Variants in C1orf159 observed in about 807,000 individuals in gnomAD.
C1orf159 encodes chromosome 1 open reading frame 159.
C1orf159 carries 19 observed loss-of-function variants against 25.6 expected under a neutral mutation model. The ratio of observed to expected loss-of-function variants is 0.74; its 90% CI spans 0.52 to 1.09. The LOEUF is 1.09. C1orf159 is among the 50% of genes least tolerant of loss of function. The pLI is 0.00. For missense variants in C1orf159, 274 were observed against 290.6 expected, an observed-to-expected ratio of 0.94 and a Z score of 0.42; for synonymous variants, 139 against 124.7, an observed-to-expected ratio of 1.12 and a Z score of -0.77.
chr1:1,114,340 GATA>G (rs954924459), intron 1 of C1orf159, among the ~76,000 whole-genome samples: 4 of 152,106 alleles, frequency 2.6e-5, no homozygotes, highest in East Asian at 1.9e-4. Flanking sequence ...CCCATGCCTG[GATA>G]ATATTTTTTA....
rs79139571 is a variant in C1orf159, at chr1:1,086,867, G to A, written c.310+272C>T. ...TGTGAACCTGAGAGCGTGTGGCTGT[G>A]AGCTGTGTGACCCTGAGAGAGTGCG... is the stretch of plus-strand genomic sequence containing the variant. On this transcript the variant is annotated intron_variant, in intron 6 of 9. Coordinates refer to ENST00000421241, the MANE Select transcript of C1orf159 (RefSeq NM_017891.5). 7.2e-3 allele frequency among the ~76,000 whole-genome samples: 1,100 copies of A among 152,274 alleles called. 4 individuals are homozygous for A. The highest frequency in any genetic ancestry group is 0.023 in the African/African-American group (964 of 41,550).
In C1orf159 at chr1:1,087,488, C is replaced by A. The variant is rs1645850392; in HGVS notation, c.244+14G>T. ...GCTGTGAGAAGGGAGCCGGGGGGAG[C>A]CGGGCAGACCTACAGCTTCTACACT... On this transcript the variant is annotated intron_variant, in intron 5 of 9. Coordinates refer to ENST00000421241, the MANE Select transcript of C1orf159 (RefSeq NM_017891.5). The surrounding 1 kb of genome is among the most constrained non-coding windows in gnomAD (Gnocchi z 8.3). 2.6e-6 allele frequency: 4 copies of A among 1,541,894 alleles called. No individual in the cohort carries two copies. In the African/African-American group the frequency reaches 4.1e-5, roughly 16 times the overall value.
In C1orf159 at chr1:1,092,087, C is replaced by A; in HGVS notation, c.-119G>T. On this transcript the variant is annotated 5_prime_UTR_variant, in exon 2 of 10. Transcript: ENST00000421241. ...AGCTCATGGGCTCAGCTGAGCCCTG[C>A]AGACCCCGGCCCAGTCCTGCAGATG... 1 of 441,688 alleles carries A rather than the reference C, an allele frequency of 2.3e-6. No individual in the cohort carries two copies. The highest frequency in any genetic ancestry group is 2.5e-5 in the Admixed American group (1 of 39,998). The allele number at this position is 441,688 out of a possible 1,614,324, so 27.4% of individuals were successfully genotyped here. A position where few individuals can be genotyped will look rare whatever the true frequency, so the allele number is the denominator to read the frequency against.
intron 1 of C1orf159, among the ~76,000 whole-genome samples, chr1:1,114,366 A>T (rs1420927166): frequency 6.6e-6 from 1 of 152,032 alleles, no homozygotes; most frequent in Non-Finnish European, 1.5e-5. Flanking sequence ...TTTTATAGAG[A>T]CGAGGTCTCC....
At chr1:1,107,983 G>A (rs1646198802) in intron 1 of C1orf159, among the ~76,000 whole-genome samples, 1 of 152,206 alleles carries the variant, frequency 6.6e-6, no homozygotes, top group Admixed American at 6.5e-5. Context: ...AACACTCACT[G>A]CGAGGGTCTG....
At chr1:1,085,170 T>A (rs1299058745) in intron 7 of C1orf159, 3 of 290,014 alleles carry the variant, frequency 1.0e-5, no homozygotes, top group Admixed American at 7.9e-5. Context: ...TGGACAGGGG[T>A]CTCACAGCAG....
At chr1:1,113,476 T>C (rs1646289453) in intron 1 of C1orf159, among the ~76,000 whole-genome samples, 1 of 152,128 alleles carries the variant, frequency 6.6e-6, no homozygotes, top group African/African-American at 2.4e-5. Flanking sequence ...CACTGCAGTC[T>C]CCACCTCCGG....
At chr1:1,091,826 G>C (rs1645943433) in intron 2 of C1orf159, 165 bp downstream of exon 2, 1 of 499,222 alleles carries the variant, frequency 2.0e-6, no homozygotes, top group Admixed American at 2.8e-5. Context: ...GATGGGGTGG[G>C]GCGGGGCCGC....
chr1:1,085,313 G>C (rs779989608), intron 7 of C1orf159: 1 of 412,730 alleles, frequency 2.4e-6, no homozygotes, highest in South Asian at 1.7e-5. Context: ...GGCCGGCCCT[G>C]GACAACGAGG....
intron 1 of C1orf159, among the ~76,000 whole-genome samples, chr1:1,100,840 T>C (rs1289699858): frequency 6.6e-6 from 1 of 152,232 alleles, no homozygotes. Flanking sequence ...TACCACTTTA[T>C]GCAAAATGTA....
Position 1,089,164 on chromosome 1 carries a change from C to A in C1orf159, c.148+1189G>T, listed in dbSNP as rs924200546. Among the ~76,000 whole-genome samples the A allele has an allele frequency of 2.0e-5, 3 of 152,262 alleles. No homozygotes were observed. Among genetic ancestry groups the A allele is most frequent in the Middle Eastern group, 3.4e-3 (1 of 294 alleles). On this transcript the variant is annotated intron_variant, in intron 4 of 9. Coordinates refer to ENST00000421241, the MANE Select transcript of C1orf159 (RefSeq NM_017891.5). This position sits in a 1 kb window ranked among gnomAD's most constrained non-coding sequence, Gnocchi z 7.5. ...CAACACCGCAGGCCCGGCCCCTCCC[C>A]ACGCGCGCCAGACGGTCCCCACCCT...
intron 4 of C1orf159, among the ~76,000 whole-genome samples, chr1:1,088,131 G>A (rs1161050838): frequency 7.1e-5 from 7 of 98,694 alleles, no homozygotes; most frequent in Non-Finnish European, 1.4e-4. Context: ...CCACTGCAAC[G>A]CCTGCCCCAG....
chr1:1,087,086 G>GCCC lies in C1orf159; in HGVS notation c.310+50_310+52dup. On this transcript the variant is annotated intron_variant, in intron 6 of 9. Transcript: ENST00000421241. The surrounding 1 kb of genome is among the most constrained non-coding windows in gnomAD (Gnocchi z 8.3). Reference sequence around the variant, plus strand: ...GTGAGGGTCTGCACTGGCTCCGACGGCCCCCAGCCCCCAGGACACCGGCAG... The same window carrying GCCC: ...GTGAGGGTCTGCACTGGCTCCGACGGCCCCCCCCAGCCCCCAGGACACCGGCAG... 2 of 1,547,888 alleles carry GCCC rather than the reference G, an allele frequency of 1.3e-6. No homozygotes were observed. Among genetic ancestry groups the GCCC allele is most frequent in the Non-Finnish European group, 1.8e-6 (2 of 1,136,064 alleles).
intron 3 of C1orf159, chr1:1,090,778 C>A: frequency 9.5e-7 from 1 of 1,050,406 alleles, no homozygotes; most frequent in South Asian, 1.4e-5. Context: ...CCGCTTGACC[C>A]CACAGAGGAA....
In C1orf159 at chr1:1,110,966, A is replaced by AT. The variant is rs1646249719; in HGVS notation, c.-136+5093dup. Among the ~76,000 whole-genome samples the AT allele has an allele frequency of 6.6e-6, 1 of 152,218 alleles. No individual in the cohort carries two copies. Among genetic ancestry groups the AT allele is most frequent in the South Asian group, 2.1e-4 (1 of 4,836 alleles). ...GGGCGCTGGAGCAGCCTGCGAGGCAATCTCCATGGATCACAGGCAGATTCT... is the reference window on the plus strand; with the variant it reads ...GGGCGCTGGAGCAGCCTGCGAGGCAATTCTCCATGGATCACAGGCAGATTCT... On this transcript the variant is annotated intron_variant, in intron 1 of 9. Transcript: ENST00000421241. The surrounding 1 kb of genome is among the most constrained non-coding windows in gnomAD (Gnocchi z 4.8).
chr1:1,112,168 G>A (rs1279626061), intron 1 of C1orf159, among the ~76,000 whole-genome samples: 2 of 152,180 alleles, frequency 1.3e-5, no homozygotes, highest in African/African-American at 2.4e-5. Context: ...TGCACCCAGC[G>A]CCAGGGAAAG....
chr1:1,103,631 G>T (rs1339370520), intron 1 of C1orf159, among the ~76,000 whole-genome samples: 1 of 152,130 alleles, frequency 6.6e-6, no homozygotes, highest in Admixed American at 6.5e-5. Flanking sequence ...CTCCCCTCTG[G>T]CTCTTTCTGG....
chr1:1,093,966 T>C lies in C1orf159; in HGVS notation c.-135-1863A>G, dbSNP rs144156451. 1.4e-3 allele frequency among the ~76,000 whole-genome samples: 219 copies of C among 152,372 alleles called. 1 individual carries two copies. Among genetic ancestry groups the C allele is most frequent in the African/African-American group, 5.1e-3 (211 of 41,578 alleles). On this transcript the variant is annotated intron_variant, in intron 1 of 9. Coordinates refer to ENST00000421241, the MANE Select transcript of C1orf159 (RefSeq NM_017891.5). ...TATCTCTGTGTCGTTACAATCTGCA[T>C]TTCCCTGAAGACTAATGATGGCATC...
In C1orf159 at chr1:1,084,259, C is replaced by T. The variant is rs556278364; in HGVS notation, c.502+94G>A. 2.0e-6 allele frequency: 3 copies of T among 1,519,026 alleles called. No individual in the cohort carries two copies. In the South Asian group the frequency reaches 4.0e-5, roughly 20 times the overall value. 94.1% of individuals were successfully genotyped at this position (1,519,026 alleles called of 1,614,324 possible). ...GGGCAGGGGTGGCCGAGATCCAGAG[C>T]CAGGCAAACCCGTTTGGGGACAAAC... On this transcript the variant is annotated intron_variant, in intron 9 of 9. Coordinates refer to ENST00000421241, the MANE Select transcript of C1orf159 (RefSeq NM_017891.5).
Sources: gnomAD v4.1 joint callset for allele counts (sites outside exome capture counted in the v4.1 genomes callset) on GRCh38, gnomAD v4.1.1 for gene constraint, Gnocchi (gnomAD v3.1) non-coding constraint, MANE v1.5 for transcripts, NCBI Gene and HGNC (gene_info 2026-07-23, HGNC 2026-07-21) for gene names.